SLC9A9: variants seen among roughly 807,000 people sequenced by gnomAD.
SLC9A9 encodes the protein solute carrier family 9 member A9, also known as sodium/hydrogen exchanger 9.
In SLC9A9, 62 loss-of-function variants were observed where a neutral mutation model predicts 77.8. The ratio of observed to expected loss-of-function variants is 0.80; its 90% CI spans 0.65 to 0.98. SLC9A9 has a LOEUF of 0.98. SLC9A9 is among the 50% of genes least tolerant of loss of function. The probability of loss-of-function intolerance (pLI) is 0.00; values close to 1 mark genes in which losing one functional copy is unlikely to be tolerated. For missense variants in SLC9A9, 775 were observed against 774.9 expected, an observed-to-expected ratio of 1.00 and a Z score of 0.00; for synonymous variants, 320 against 283.5, an observed-to-expected ratio of 1.13 and a Z score of -1.29.
intron 8 of SLC9A9, among the ~76,000 whole-genome samples, chr3:143,567,611 G>A (rs557514534): frequency 3.9e-5 from 6 of 152,308 alleles, no homozygotes; most frequent in African/African-American, 1.4e-4. Flanking sequence ...GTTCTTGTAT[G>A]TGACTATTGA....
At chr3:143,787,989 A>G (rs185476242) in intron 4 of SLC9A9, among the ~76,000 whole-genome samples, 78 of 152,262 alleles carry the variant, frequency 5.1e-4, no homozygotes, top group African/African-American at 1.8e-3. Flanking sequence ...AGATATACAG[A>G]CTTATTATGA....
chr3:143,802,632 G>A (rs529108555), intron 2 of SLC9A9, among the ~76,000 whole-genome samples: 1 of 152,264 alleles, frequency 6.6e-6, no homozygotes, highest in Admixed American at 6.5e-5. Flanking sequence ...TAACGGATGA[G>A]CCTTTACTAG....
intron 5 of SLC9A9, among the ~76,000 whole-genome samples, chr3:143,676,192 C>T (rs1456982744): frequency 2.6e-5 from 4 of 152,154 alleles, no homozygotes; most frequent in South Asian, 4.1e-4. Flanking sequence ...TGCTGGCTGG[C>T]CTGCCACTCA....
intron 4 of SLC9A9, among the ~76,000 whole-genome samples, chr3:143,747,519 C>T (rs549360059): frequency 1.1e-4 from 17 of 152,128 alleles, no homozygotes; most frequent in Admixed American, 5.2e-4. Flanking sequence ...TCACTTCTAT[C>T]CTTATGATGT....
At chr3:143,655,637 C>T in intron 5 of SLC9A9, 7 of 984,880 alleles carry the variant, frequency 7.1e-6, no homozygotes, top group Non-Finnish European at 8.4e-6. Flanking sequence ...ATAAAAGATA[C>T]AAGCACATAT....
chr3:143,766,849 C>G (rs1199125575), intron 4 of SLC9A9, among the ~76,000 whole-genome samples: 2 of 152,190 alleles, frequency 1.3e-5, no homozygotes, highest in African/African-American at 4.8e-5. Flanking sequence ...GCTGGGATTA[C>G]AAGCATAAGC....
chr3:143,308,713 A>G (rs913103217), intron 14 of SLC9A9, among the ~76,000 whole-genome samples: 3 of 152,156 alleles, frequency 2.0e-5, no homozygotes, highest in African/African-American at 7.2e-5. Flanking sequence ...AATAATACCC[A>G]TAATTGAGTT....
chr3:143,710,987 C>T (rs1368663785), intron 4 of SLC9A9, among the ~76,000 whole-genome samples: 1 of 152,164 alleles, frequency 6.6e-6, no homozygotes, highest in Admixed American at 6.5e-5. Context: ...ATGCTTTAAA[C>T]ATATTTAACT....
chr3:143,583,860 C>T (rs923648849), intron 6 of SLC9A9, among the ~76,000 whole-genome samples: 1 of 152,170 alleles, frequency 6.6e-6, no homozygotes, highest in Non-Finnish European at 1.5e-5. Flanking sequence ...CTGTCTCTCC[C>T]ACTCTGACTG....
Position 143,607,488 on chromosome 3 carries a change from C to T in SLC9A9, c.756-28765G>A, listed in dbSNP as rs80133785. Among the ~76,000 whole-genome samples the T allele has an allele frequency of 2.8e-4, 42 of 152,056 alleles. No individual in the cohort carries two copies. In the East Asian group the frequency reaches 3.1e-3, roughly 11 times the overall value. On this transcript the variant is annotated intron_variant, in intron 6 of 15. Transcript: ENST00000316549. The stretch of plus-strand genomic sequence containing the variant: ...ACTAGCAAATTGATAGCATAAATAA[C>T]GGAAGGGATGAAAATCATTAAAGCA...
At chr3:143,596,743 G>A (rs2037759423) in intron 6 of SLC9A9, among the ~76,000 whole-genome samples, 1 of 151,996 alleles carries the variant, frequency 6.6e-6, no homozygotes, top group South Asian at 2.1e-4. Context: ...GCTAACTATA[G>A]CCTCGACCTC....
In SLC9A9 at chr3:143,378,631, A is replaced by G. The variant is rs139010311; in HGVS notation, c.1524+3429T>C. Among the ~76,000 whole-genome samples, 181 of 152,348 alleles carry G rather than the reference A, an allele frequency of 1.2e-3. 1 individual carries two copies. The highest frequency in any genetic ancestry group is 3.8e-3 in the African/African-American group (157 of 41,572). ...GGACTGAAGGCAAGTGTGGTGCTCC[A>G]GTGACTCTCACCTACTCTGAAAAGG... On this transcript the variant is annotated intron_variant, in intron 13 of 15. Transcript: ENST00000316549.
rs1392828465 is a variant in SLC9A9 at position 143,266,624 on chromosome 3, T to C, written c.*78A>G. 2 of 1,436,350 alleles carry C rather than the reference T, an allele frequency of 1.4e-6. No individual in the cohort carries two copies. The highest frequency in any genetic ancestry group is 2.8e-5 in the African/African-American group (2 of 71,590). The allele number at this position is 1,436,350 out of a possible 1,614,324, so 89.0% of individuals were successfully genotyped here. On this transcript the variant is annotated 3_prime_UTR_variant, in exon 16 of 16. Transcript: ENST00000316549. Reference sequence around the variant, plus strand: ...AATATGTTTTCCAGCCTCTCCCCTGTACTGCCTCATCAGCTTGGCTTGTAT... The same window carrying C: ...AATATGTTTTCCAGCCTCTCCCCTGCACTGCCTCATCAGCTTGGCTTGTAT...
At chr3:143,323,294 T>C (rs781139457) in intron 14 of SLC9A9, among the ~76,000 whole-genome samples, 1 of 152,168 alleles carries the variant, frequency 6.6e-6, no homozygotes, top group East Asian at 1.9e-4. Context: ...CTATTGACAA[T>C]AGCAGAGATA....
intron 6 of SLC9A9, among the ~76,000 whole-genome samples, chr3:143,631,997 C>T (rs535711391): frequency 6.6e-6 from 1 of 152,290 alleles, no homozygotes; most frequent in East Asian, 1.9e-4. Flanking sequence ...GCCTCCTCAA[C>T]TGCCCACCTT....
intron 11 of SLC9A9, among the ~76,000 whole-genome samples, chr3:143,493,361 A>C (rs536984073): frequency 1.3e-5 from 2 of 152,284 alleles, no homozygotes; most frequent in East Asian, 1.9e-4. Flanking sequence ...CCAGTATGAA[A>C]AATTGATCTG....
intron 4 of SLC9A9, among the ~76,000 whole-genome samples, chr3:143,793,279 T>C (rs1028929882): frequency 2.0e-5 from 3 of 152,170 alleles, no homozygotes; most frequent in African/African-American, 4.8e-5. Context: ...TATATATTGG[T>C]GCTTTCTAAA....
At chr3:143,412,760 G>T (rs1355800406) in intron 12 of SLC9A9, among the ~76,000 whole-genome samples, 1 of 152,176 alleles carries the variant, frequency 6.6e-6, no homozygotes, top group Non-Finnish European at 1.5e-5. Context: ...GATTTTCTGT[G>T]CAACCGTCTC....
intron 4 of SLC9A9, among the ~76,000 whole-genome samples, chr3:143,745,627 T>A (rs1357275033): frequency 6.6e-6 from 1 of 152,176 alleles, no homozygotes; most frequent in African/African-American, 2.4e-5. Context: ...CGCTGTGTAT[T>A]TTTTGGAAAT....
Sources: gnomAD v4.1 joint callset for allele counts (sites outside exome capture counted in the v4.1 genomes callset) on GRCh38, gnomAD v4.1.1 for gene constraint, MANE v1.5 for transcripts, NCBI Gene and HGNC (gene_info 2026-07-23, HGNC 2026-07-21) for gene names.